The following MPPED1 variants were observed in gnomAD, a reference collection of about 807,000 sequenced individuals.
MPPED1 encodes the protein metallophosphoesterase domain containing 1.
MPPED1 carries 16 observed loss-of-function variants against 36.2 expected under a neutral mutation model. The observed-to-expected ratio is 0.44, with a 90% confidence interval of 0.30 to 0.67. The LOEUF (loss-of-function observed/expected upper bound fraction) is 0.67, where lower values mean the gene tolerates loss of function less well. Ranked by LOEUF, MPPED1 falls within the 30% of genes least tolerant of loss-of-function variation. The pLI is 0.10. For synonymous variants in MPPED1, 199 were observed against 191.3 expected, an observed-to-expected ratio of 1.04 and a Z score of -0.33; for missense variants, 307 against 453.4, an observed-to-expected ratio of 0.68 and a Z score of 2.93.
chr22:43,475,028 G>A (rs1931500358), intron 4 of MPPED1, 67 bp downstream of exon 4: 9 of 1,449,538 alleles, frequency 6.2e-6, no homozygotes, highest in Non-Finnish European at 8.7e-6. Context: ...CGCAGGGGGT[G>A]TAGGGGATGG....
chr22:43,485,149 CAT>C (rs1387264621), intron 4 of MPPED1, among the ~76,000 whole-genome samples: 2 of 152,082 alleles, frequency 1.3e-5, no homozygotes, highest in Non-Finnish European at 2.9e-5. Context: ...GAAACATTCA[CAT>C]ATGACATTCA....
At chr22:43,439,062 G>A (rs943757337) in intron 3 of MPPED1, among the ~76,000 whole-genome samples, 2 of 152,086 alleles carry the variant, frequency 1.3e-5, no homozygotes, top group Non-Finnish European at 2.9e-5. Context: ...AAGACCTACC[G>A]TATAAGACAA....
At position 43,412,084 on chromosome 22, in the gene MPPED1, C is replaced by T; in HGVS notation, c.-153C>T. On this transcript the variant is annotated 5_prime_UTR_variant, in exon 1 of 7. Coordinates refer to ENST00000443721, the MANE Select transcript of MPPED1 (RefSeq NM_001044370.2). ...CCCCCGCCCCTGCGCGCCTCCCTCC[C>T]GGGAGCCCCTGCCTCCCTCGGTGCG... 1 of 979,542 alleles carries T rather than the reference C, an allele frequency of 1.0e-6. No individual in the cohort carries two copies. Among genetic ancestry groups the T allele is most frequent in the Non-Finnish European group, 1.2e-6 (1 of 827,622 alleles). The allele number at this position is 979,542 out of a possible 1,614,324, so 60.7% of individuals were successfully genotyped here.
intron 5 of MPPED1, among the ~76,000 whole-genome samples, chr22:43,501,927 C>T (rs1336304863): frequency 6.6e-6 from 1 of 151,990 alleles, no homozygotes. Flanking sequence ...TCCCCTGTCC[C>T]CTTCTTGGCA....
chr22:43,420,022 G>A (rs576271177), intron 1 of MPPED1, among the ~76,000 whole-genome samples: 1 of 152,270 alleles, frequency 6.6e-6, no homozygotes, highest in Admixed American at 6.5e-5. Context: ...TTTTCAAGGA[G>A]TGCTGGGCTG....
At chr22:43,499,644 G>A (rs1674393775) in intron 5 of MPPED1, among the ~76,000 whole-genome samples, 2 of 112,630 alleles carry the variant, frequency 1.8e-5, no homozygotes, top group African/African-American at 7.2e-5. Context: ...GGAGGTGGTG[G>A]TGGTGGTGAT....
Position 43,435,086 on chromosome 22 carries a change from G to A in MPPED1, c.277G>A (p.Val93Ile), listed in dbSNP as rs529333273. The change falls in exon 3 of 7, where the codon GTC becomes ATC. Residue 93 changes from valine (V) to isoleucine (I), a missense_variant. Val to Ile is a conservative substitution (Grantham distance 29). Transcript: ENST00000443721. ...APKPPGYTRF[V>I]CVSDTHSRTD... is the part of the protein sequence containing the mutation. ...CAAACCTCCAGGCTACACCCGCTTCGTCTGCGTCTCTGATACCCACTCGAG... is the reference window on the plus strand; with the variant it reads ...CAAACCTCCAGGCTACACCCGCTTCATCTGCGTCTCTGATACCCACTCGAG... 5.6e-6 allele frequency: 9 copies of A among 1,613,748 alleles called. No individual in the cohort carries two copies. Among genetic ancestry groups the A allele is most frequent in the South Asian group, 4.4e-5 (4 of 91,086 alleles).
At chr22:43,504,751 TTGA>T (rs1932776384) in intron 6 of MPPED1, among the ~76,000 whole-genome samples, 1 of 150,094 alleles carries the variant, frequency 6.7e-6, no homozygotes, top group Admixed American at 6.6e-5. Flanking sequence ...GGTGATGATG[TTGA>T]TTGTGGTAGT....
At chr22:43,463,793 T>A (rs1169854978) in intron 3 of MPPED1, among the ~76,000 whole-genome samples, 1 of 149,900 alleles carries the variant, frequency 6.7e-6, no homozygotes, top group Non-Finnish European at 1.5e-5. Context: ...CTGTGGTTGA[T>A]TTTTCATTTT....
At chr22:43,437,630 C>T (rs1426883596) in intron 3 of MPPED1, among the ~76,000 whole-genome samples, 1 of 152,206 alleles carries the variant, frequency 6.6e-6, no homozygotes, top group Non-Finnish European at 1.5e-5. Flanking sequence ...CTGCTTCCTG[C>T]CTGGGTGACC....
chr22:43,495,302 A>G (rs1211549864), intron 4 of MPPED1, among the ~76,000 whole-genome samples: 287 of 44,452 alleles, frequency 6.5e-3, no homozygotes, highest in East Asian at 8.6e-3. Context: ...GATGGAGGTG[A>G]TGGTGGTGAT....
intron 4 of MPPED1, among the ~76,000 whole-genome samples, chr22:43,487,938 G>T (rs1225785080): frequency 6.6e-6 from 1 of 152,152 alleles, no homozygotes; most frequent in Non-Finnish European, 1.5e-5. Context: ...CTGATTCCTG[G>T]TCACATTTTC....
rs1929230396 is a variant in MPPED1, at chr22:43,420,490, C to T, written c.-78-4418C>T. On this transcript the variant is annotated intron_variant, in intron 1 of 6. Coordinates refer to ENST00000443721, the MANE Select transcript of MPPED1 (RefSeq NM_001044370.2). ...CACGATCTCGGCTGAATGCAACCTC[C>T]ACCTCCCCGGTTCATGTGATTCTTC... Among the ~76,000 whole-genome samples, 3 of 152,010 alleles carry T rather than the reference C, an allele frequency of 2.0e-5. No individual in the cohort carries two copies. In the South Asian group the frequency reaches 6.3e-4, roughly 32 times the overall value.
intron 3 of MPPED1, among the ~76,000 whole-genome samples, chr22:43,463,828 T>TTTC (rs1931052105): frequency 7.6e-6 from 1 of 132,016 alleles, no homozygotes; most frequent in Non-Finnish European, 1.6e-5. Flanking sequence ...TCTTTCTTTC[T>TTTC]TTCTTTCTTT....
intron 3 of MPPED1, among the ~76,000 whole-genome samples, chr22:43,468,425 C>T (rs561092076): frequency 6.6e-6 from 1 of 152,316 alleles, no homozygotes; most frequent in East Asian, 1.9e-4. Context: ...GCCACAAGTC[C>T]CTGCTCCACT....
intron 3 of MPPED1, among the ~76,000 whole-genome samples, 166 bp downstream of exon 3, chr22:43,435,381 T>A (rs1036258329): frequency 2.0e-5 from 3 of 152,118 alleles, no homozygotes; most frequent in Non-Finnish European, 4.4e-5. Context: ...GGTGCCCCTT[T>A]CTCTCCCATC....
At chr22:43,501,601 C>T (rs572255664) in intron 5 of MPPED1, among the ~76,000 whole-genome samples, 15 of 152,304 alleles carry the variant, frequency 9.8e-5, no homozygotes, top group Admixed American at 3.9e-4. Flanking sequence ...CTCCCCACAA[C>T]ACACACTCCA....
chr22:43,497,055 AG>A (rs1932432776), intron 4 of MPPED1, among the ~76,000 whole-genome samples: 3 of 99,900 alleles, frequency 3.0e-5, no homozygotes, highest in Non-Finnish European at 6.3e-5. Flanking sequence ...GTGGTGGTGG[AG>A]ATGGTGGTGG....
At chr22:43,429,334 C>T (rs1929592361) in intron 2 of MPPED1, among the ~76,000 whole-genome samples, 1 of 152,168 alleles carries the variant, frequency 6.6e-6, no homozygotes, top group Non-Finnish European at 1.5e-5. Flanking sequence ...GGGAGGGGGA[C>T]AAGGAGCAAA....
Sources: gnomAD v4.1 joint callset for allele counts (sites outside exome capture counted in the v4.1 genomes callset) on GRCh38, gnomAD v4.1.1 for gene constraint, MANE v1.5 for transcripts, NCBI Gene and HGNC (gene_info 2026-07-23, HGNC 2026-07-21) for gene names.